STARD9: variants seen among roughly 807,000 people sequenced by gnomAD.
STARD9 encodes stAR-related lipid transfer protein 9.
A neutral mutation model predicts 399.8 loss-of-function variants in STARD9; 346 were observed. The ratio of observed to expected loss-of-function variants is 0.87; its 90% CI spans 0.79 to 0.95. The LOEUF (loss-of-function observed/expected upper bound fraction) is 0.95, where lower values mean the gene tolerates loss of function less well. Among genes scored for constraint, STARD9 ranks in the 40% least tolerant of loss-of-function variants. The pLI is 0.00. For synonymous variants in STARD9, 2,203 were observed against 2,143.5 expected (o/e 1.03, Z -0.77); for missense variants, 5,832 against 5,667.5 (o/e 1.03, Z -0.93).
intron 3 of STARD9, among the ~76,000 whole-genome samples, chr15:42,626,605 A>G (rs571236755): frequency 6.7e-6 from 1 of 149,100 alleles, no homozygotes; most frequent in East Asian, 2.0e-4. Flanking sequence ...GGTTCTAATG[A>G]TTCTCTTGTC....
intron 14 of STARD9, 47 bp from the exon 15 acceptor site, chr15:42,665,739 A>T (rs1340647198): frequency 1.3e-6 from 2 of 1,490,436 alleles, no homozygotes; most frequent in Non-Finnish European, 1.8e-6. Flanking sequence ...GACCTACCTG[A>T]AGTTCAGACC....
chr15:42,717,220 C>T (rs1467863303), intron 28 of STARD9, among the ~76,000 whole-genome samples, 172 bp downstream of exon 28: 1 of 152,130 alleles, frequency 6.6e-6, no homozygotes, highest in Non-Finnish European at 1.5e-5. Flanking sequence ...CGCAGTAGCT[C>T]ATGCCTATAA....
intron 10 of STARD9, among the ~76,000 whole-genome samples, chr15:42,662,354 A>T (rs918271859): frequency 6.6e-6 from 1 of 152,226 alleles, no homozygotes; most frequent in Non-Finnish European, 1.5e-5. Context: ...GAAAGGAACT[A>T]TTATCAGCCA....
intron 24 of STARD9, 146 bp downstream of exon 24, chr15:42,694,871 G>T: frequency 3.1e-6 from 2 of 645,316 alleles, no homozygotes; most frequent in Non-Finnish European, 5.3e-6. Context: ...AATGGAATGA[G>T]GGAGGGGGTG....
intron 15 of STARD9, among the ~76,000 whole-genome samples, 168 bp from the exon 16 acceptor site, chr15:42,668,990 A>T (rs898029800): frequency 4.6e-5 from 7 of 152,228 alleles, no homozygotes; most frequent in Non-Finnish European, 1.0e-4. Flanking sequence ...TGGAAAACAC[A>T]GCTTGCAGTT....
chr15:42,601,359 C>A (rs1490381626), intron 3 of STARD9, among the ~76,000 whole-genome samples: 2 of 152,148 alleles, frequency 1.3e-5, no homozygotes, highest in Non-Finnish European at 2.9e-5. Context: ...CATCATGGCC[C>A]ATTCTCAGTG....
At position 42,688,092 on chromosome 15, in the gene STARD9, G is replaced by A. The variant is rs777246869; in HGVS notation, c.6514G>A (p.Gly2172Arg). ...TGTGAGAGAGCACACCCACCCAGCTGGATCGGACAGACCTGCCAGGGATAT... is the reference window on the plus strand; with the variant it reads ...TGTGAGAGAGCACACCCACCCAGCTAGATCGGACAGACCTGCCAGGGATAT... ...EPVREHTHPA[G>R]SDRPARDICD... is the part of the protein sequence containing the mutation. The change falls in exon 23 of 33, where the codon GGA becomes AGA. Residue 2172 changes from glycine (G) to arginine (R), a missense_variant. Around this residue, in one of 2 missense-constraint regions of STARD9, gnomAD observed 5,828 missense variants for 5,651.1 expected, o/e 1.03. Transcript: ENST00000290607. 21 of 1,537,346 alleles carry A rather than the reference G, an allele frequency of 1.4e-5. No homozygotes were observed. In the South Asian group the frequency reaches 2.3e-4, roughly 17 times the overall value.
chr15:42,642,666 A>C (rs1407771059), intron 7 of STARD9, among the ~76,000 whole-genome samples: 1 of 152,220 alleles, frequency 6.6e-6, no homozygotes, highest in Admixed American at 6.5e-5. Flanking sequence ...TAGTAAATAA[A>C]AGTGGTGACA....
intron 20 of STARD9, among the ~76,000 whole-genome samples, chr15:42,680,267 T>TA (rs2060398868): frequency 1.3e-5 from 2 of 152,144 alleles, no homozygotes; most frequent in South Asian, 4.1e-4. Flanking sequence ...TCTGTGGTCA[T>TA]ATAGGAACCT....
At position 42,717,648 on chromosome 15, in the gene STARD9, A is replaced by T. The variant is rs1725082233; in HGVS notation, c.13495-83A>T. ...TCAAAAAAAAAGAAAAGGGGAATTT[A>T]GCAGATGCAGGCCAGACTGACTAAC... is the stretch of plus-strand genomic sequence containing the variant. On this transcript the variant is annotated intron_variant, in intron 28 of 32. Coordinates refer to ENST00000290607, the MANE Select transcript of STARD9 (RefSeq NM_020759.3). 6.7e-6 allele frequency: 8 copies of T among 1,200,666 alleles called. No individual in the cohort carries two copies. In the South Asian group the frequency reaches 1.0e-4, roughly 16 times the overall value. 74.4% of individuals were successfully genotyped at this position (1,200,666 alleles called of 1,614,324 possible). A position where few individuals can be genotyped will look rare whatever the true frequency, so the allele number is the denominator to read the frequency against.
rs563500037 is a variant in STARD9 at position 42,689,749 on chromosome 15, G to T, written c.8171G>T (p.Arg2724Leu). ...GATCCTTTGGCCCCAGACAGTCCTC[G>T]TTCTTCAGCACCTGTGGAGGAGGTC... ...SADPLAPDSP[R>L]SSAPVEEVRR... is the part of the protein sequence containing the mutation. Residue 2724 changes from arginine (R) to leucine (L), a missense_variant, in exon 23 of 33, where the codon CGT becomes CTT. By Grantham distance (102) the Arg-to-Leu change is moderately radical (BLOSUM62 -2). Coordinates refer to ENST00000290607, the MANE Select transcript of STARD9 (RefSeq NM_020759.3). The T allele has an allele frequency of 1.3e-6, 2 of 1,537,762 alleles. No homozygotes were observed. The highest frequency in any genetic ancestry group is 1.2e-5 in the South Asian group (1 of 84,062).
chr15:42,617,675 G>A (rs1361329514), intron 3 of STARD9, among the ~76,000 whole-genome samples: 1 of 152,126 alleles, frequency 6.6e-6, no homozygotes, highest in Non-Finnish European at 1.5e-5. Flanking sequence ...AAACAATTTT[G>A]TTTATTGTAC....
intron 3 of STARD9, among the ~76,000 whole-genome samples, chr15:42,611,992 A>G (rs563947794): frequency 1.3e-5 from 2 of 152,270 alleles, no homozygotes; most frequent in African/African-American, 2.4e-5. Flanking sequence ...TATTAGAGAC[A>G]GGGTCTCACT....
intron 9 of STARD9, among the ~76,000 whole-genome samples, chr15:42,660,452 T>G (rs533756041): frequency 6.6e-6 from 1 of 151,144 alleles, no homozygotes; most frequent in Non-Finnish European, 1.5e-5. Flanking sequence ...TAATCTCAGC[T>G]ACTTGGGAGG....
chr15:42,600,584 G>A (rs1041941446), intron 3 of STARD9, among the ~76,000 whole-genome samples: 31 of 149,916 alleles, frequency 2.1e-4, no homozygotes, highest in Non-Finnish European at 4.0e-4. Flanking sequence ...GGAGTGCAAC[G>A]GCACGATCTT....
intron 9 of STARD9, among the ~76,000 whole-genome samples, chr15:42,655,254 C>A (rs1242481167): frequency 1.3e-5 from 2 of 152,190 alleles, no homozygotes; most frequent in African/African-American, 4.8e-5. Flanking sequence ...TGCACTCCAG[C>A]CTGGGCAACA....
At chr15:42,680,262 G>T (rs1232869348) in intron 20 of STARD9, among the ~76,000 whole-genome samples, 3 of 152,144 alleles carry the variant, frequency 2.0e-5, no homozygotes, top group African/African-American at 7.2e-5. Context: ...AGTCATCTGT[G>T]GTCATATAGG....
intron 12 of STARD9, 49 bp from the exon 13 acceptor site, chr15:42,663,771 C>G: frequency 7.5e-7 from 1 of 1,340,770 alleles, no homozygotes; most frequent in Non-Finnish European, 1.0e-6. Flanking sequence ...TGATTAAGAG[C>G]TGGGATGGAT....
chr15:42,693,584 G>A lies in STARD9; in HGVS notation c.12006G>A (p.Gln4002=). Residue 4002 remains glutamine (Q), a synonymous_variant, in exon 23 of 33, where the codon CAG becomes CAA. Coordinates refer to ENST00000290607, the MANE Select transcript of STARD9 (RefSeq NM_020759.3). ...QFSFLGQHPQ[Q]LQPRTTIGVQ... is the part of the protein sequence containing the mutation. ...GTTTCTTAGGGCAGCACCCTCAGCA[G>A]CTTCAGCCCAGGACAACTATCGGGG... is the stretch of plus-strand genomic sequence containing the variant. 6.5e-7 allele frequency: 1 copy of A among 1,537,252 alleles called. No homozygotes were observed. Among genetic ancestry groups the A allele is most frequent in the Non-Finnish European group, 8.7e-7 (1 of 1,146,898 alleles).
Sources: gnomAD v4.1 joint callset for allele counts (sites outside exome capture counted in the v4.1 genomes callset) on GRCh38, gnomAD v4.1.1 for gene constraint, gnomAD v4.1.1 regional missense constraint, MANE v1.5 for transcripts, NCBI Gene and HGNC (gene_info 2026-07-23, HGNC 2026-07-21) for gene names.